SLC25A3: variants seen among roughly 807,000 people sequenced by gnomAD.
The protein encoded by SLC25A3 is solute carrier family 25 member 3.
SLC25A3 carries 14 observed loss-of-function variants against 37.1 expected under a neutral mutation model. The ratio of observed to expected loss-of-function variants is 0.38; its 90% CI spans 0.25 to 0.59. SLC25A3 has a LOEUF of 0.59. Among genes scored for constraint, SLC25A3 ranks in the 20% least tolerant of loss-of-function variants. The pLI, the probability that SLC25A3 is intolerant of heterozygous loss-of-function variation, is 0.67. For synonymous variants in SLC25A3, 161 were observed against 168.7 expected (o/e 0.95, Z 0.36); for missense variants, 385 against 458.1 (o/e 0.84, Z 1.46).
intron 2 of SLC25A3, 159 bp downstream of exon 2, chr12:98,594,294 A>G: frequency 1.4e-6 from 1 of 722,714 alleles, no homozygotes; most frequent in Non-Finnish European, 2.5e-6. Flanking sequence ...GGCCTTTTCC[A>G]CCATAGGCGG....
chr12:98,594,078 C>T lies in SLC25A3; in HGVS notation c.100C>T (p.Pro34Ser). The T allele has an allele frequency of 6.2e-7, 1 of 1,612,598 alleles. No individual in the cohort carries two copies. Among genetic ancestry groups the T allele is most frequent in the Non-Finnish European group, 8.5e-7 (1 of 1,179,684 alleles). Reference protein sequence around the residue: ...DGLGDLRSSSPGPTGQPRRPR... With the variant: ...DGLGDLRSSSSGPTGQPRRPR... ...TCTCGGGGACCTCCGCAGCAGCTCC[C>T]CAGGGCCCACGGGCCAGCCCCGCCG... The change falls in exon 2 of 8, where the codon CCA (proline) becomes TCA (serine). Residue 34 changes from proline to serine, a missense_variant. Pro to Ser is a moderately conservative substitution (Grantham distance 74). Around this residue, in one of 2 missense-constraint regions of SLC25A3, gnomAD observed 109 missense variants for 90.5 expected, o/e 1.20. Coordinates refer to ENST00000552981, the MANE Select transcript of SLC25A3 (RefSeq NM_002635.4).
Position 98,602,579 on chromosome 12 carries a change from A to G in SLC25A3, c.*1051A>G, listed in dbSNP as rs1460088376. On this transcript the variant is annotated 3_prime_UTR_variant, in exon 8 of 8. Transcript: ENST00000552981. ...AAAAAGCATTCCATCATACTTAGAT[A>G]CGAGATTGGATTGTAGGTTTAAGCC... 6.6e-6 allele frequency: 1 copy of G among 152,238 alleles called. No homozygotes were observed. The highest frequency in any genetic ancestry group is 1.5e-5 in the Non-Finnish European group (1 of 68,044). 9.4% of individuals were successfully genotyped at this position (152,238 alleles called of 1,614,324 possible).
At chr12:98,599,764 G>A (rs1411158239) in intron 5 of SLC25A3, 191 bp from the exon 6 acceptor site, 1 of 767,460 alleles carries the variant, frequency 1.3e-6, no homozygotes, top group African/African-American at 1.7e-5. Flanking sequence ...AGTCAAAGGT[G>A]CTTGAGTCAT....
In SLC25A3 at chr12:98,594,097, C is replaced by G; in HGVS notation, c.119C>G (p.Pro40Arg). The change falls in exon 2 of 8, where the codon CCC becomes CGC. Residue 40 changes from proline to arginine, a missense_variant. This residue lies in a region of SLC25A3 where 109 missense variants were observed against 90.5 expected (regional missense o/e 1.20). Coordinates refer to ENST00000552981, the MANE Select transcript of SLC25A3 (RefSeq NM_002635.4). Reference protein sequence around the residue: ...RSSSPGPTGQPRRPRNLAAAA... With the variant: ...RSSSPGPTGQRRRPRNLAAAA... The stretch of plus-strand genomic sequence containing the variant: ...AGCTCCCCAGGGCCCACGGGCCAGC[C>G]CCGCCGCCCTCGCAACCTGGCAGCC... The G allele has an allele frequency of 1.2e-6, 2 of 1,611,932 alleles. No individual in the cohort carries two copies. Among genetic ancestry groups the G allele is most frequent in the Non-Finnish European group, 1.7e-6 (2 of 1,179,344 alleles).
rs1302964992 is a variant in SLC25A3, at chr12:98,604,263, A to AAAAAAAAT, written c.*2736_*2737insAAAAAATA. On this transcript the variant is annotated 3_prime_UTR_variant, in exon 8 of 8. Transcript: ENST00000552981. ...GCGAAACTCTGTCTCAAAAAAAAAA[A>AAAAAAAAT]ATATATATATATATATATATATATG... 6.7e-5 allele frequency: 9 copies of AAAAAAAAT among 134,576 alleles called. No homozygotes were observed. The highest frequency in any genetic ancestry group is 1.7e-4 in the African/African-American group (6 of 34,888). 8.3% of individuals were successfully genotyped at this position (134,576 alleles called of 1,614,324 possible). A position where few individuals can be genotyped will look rare whatever the true frequency, so the allele number is the denominator to read the frequency against.
chr12:98,599,820 T>C (rs1211291629), intron 5 of SLC25A3, 135 bp from the exon 6 acceptor site: 2 of 929,392 alleles, frequency 2.2e-6, no homozygotes, highest in Non-Finnish European at 3.6e-6. Context: ...AACGTTCTGA[T>C]AGAAATGACA....
In SLC25A3 at chr12:98,594,106, C is replaced by T. The variant is rs2097590883; in HGVS notation, c.128C>T (p.Pro43Leu). The T allele has an allele frequency of 2.5e-6, 4 of 1,611,854 alleles. No homozygotes were observed. In the East Asian group the frequency reaches 8.9e-5, roughly 36 times the overall value. ...GGGCCCACGGGCCAGCCCCGCCGCCCTCGCAACCTGGCAGCCGCCGCCGTG... is the reference window on the plus strand; with the variant it reads ...GGGCCCACGGGCCAGCCCCGCCGCCTTCGCAACCTGGCAGCCGCCGCCGTG... ...SPGPTGQPRR[P>L]RNLAAAAVEE... The change falls in exon 2 of 8, where the codon CCT (proline) becomes CTT (leucine). Residue 43 changes from proline (P) to leucine (L), a missense_variant. By Grantham distance (98) the Pro-to-Leu change is moderately conservative (BLOSUM62 -3). Around this residue, in one of 2 missense-constraint regions of SLC25A3, gnomAD observed 109 missense variants for 90.5 expected, o/e 1.20. Transcript: ENST00000552981.
rs749921786 is a variant in SLC25A3, at chr12:98,595,403, T to TAC, written c.158-323_158-322dup. ...CCTTAGTCATCTCTGAAGAAATACT[T>TAC]ACTTGATTTTTTTTTTTCCAATCAA... On this transcript the variant is annotated intron_variant, in intron 2 of 7. Transcript: ENST00000552981. The TAC allele has an allele frequency of 1.1e-4, 181 of 1,611,252 alleles. No individual in the cohort carries two copies. The African/African-American group carries it at 2.3e-3, about 20-fold the overall frequency.
intron 3 of SLC25A3, among the ~76,000 whole-genome samples, chr12:98,596,985 C>T (rs546629518): frequency 2.0e-5 from 3 of 152,326 alleles, no homozygotes; most frequent in Non-Finnish European, 4.4e-5. Context: ...CACCATGGCA[C>T]TCCATCCTGG....
At chr12:98,596,512 C>G (rs188262243) in intron 3 of SLC25A3, among the ~76,000 whole-genome samples, 2 of 152,064 alleles carry the variant, frequency 1.3e-5, no homozygotes, top group African/African-American at 2.4e-5. Flanking sequence ...TCCTCCCCCC[C>G]CATTAGTTAA....
chr12:98,599,578 G>C (rs7955363), intron 5 of SLC25A3: 57,260 of 481,668 alleles, frequency 0.12, 4,975 homozygotes, highest in African/African-American at 0.32. Flanking sequence ...TTAACTTTTA[G>C]GGAGGGCTTG....
chr12:98,598,330 T>C, intron 4 of SLC25A3, 192 bp from the exon 5 acceptor site: 2 of 890,934 alleles, frequency 2.2e-6, no homozygotes, highest in South Asian at 3.5e-5. Context: ...CATCTAGATA[T>C]TTTTTGAATA....
intron 2 of SLC25A3, chr12:98,595,101 CT>C (rs1214118052): frequency 1.3e-5 from 4 of 309,370 alleles, no homozygotes; most frequent in Non-Finnish European, 2.5e-5. Flanking sequence ...GTCGAGTGAT[CT>C]TTCTGAGTTT....
chr12:98,603,012 A>G lies in SLC25A3; in HGVS notation c.*1484A>G, dbSNP rs1200741134. The G allele has an allele frequency of 6.6e-6, 1 of 152,238 alleles. No individual in the cohort carries two copies. The highest frequency in any genetic ancestry group is 1.5e-5 in the Non-Finnish European group (1 of 68,048). 9.4% of individuals were successfully genotyped at this position (152,238 alleles called of 1,614,324 possible). On this transcript the variant is annotated 3_prime_UTR_variant, in exon 8 of 8. Transcript: ENST00000552981. ...ACATTTTACCTGTGCTGCAGGAAAA[A>G]AGGAAAAGTTGTAGGTACAAATTTG...
chr12:98,595,360 T>C (rs2097592109), intron 2 of SLC25A3: 2 of 1,551,194 alleles, frequency 1.3e-6, no homozygotes, highest in Non-Finnish European at 1.8e-6. Flanking sequence ...AGGGAAACAT[T>C]TTCTTTCATT....
intron 3 of SLC25A3, 119 bp downstream of exon 3, chr12:98,595,967 G>T: frequency 1.1e-6 from 1 of 913,882 alleles, no homozygotes; most frequent in South Asian, 1.4e-5. Flanking sequence ...AAACCACATA[G>T]AATTTCTTTA....
Position 98,601,239 on chromosome 12 carries a change from G to T in SLC25A3, c.883G>T (p.Gly295Cys), listed in dbSNP as rs1200224700. ...SVVSVLNKEK[G>C]SSASLVLKRL... is the part of the protein sequence containing the mutation. ...GGTATCTGTGTTGAATAAAGAAAAA[G>T]GTAGCAGTGCTTCTCTGGTCCTCAA... is the stretch of plus-strand genomic sequence containing the variant. The change falls in exon 7 of 8, where the codon GGT (glycine) becomes TGT (cysteine). Residue 295 changes from glycine (G) to cysteine (C), a missense_variant. Coordinates refer to ENST00000552981, the MANE Select transcript of SLC25A3 (RefSeq NM_002635.4). 1 of 1,614,038 alleles carries T rather than the reference G, an allele frequency of 6.2e-7. No individual in the cohort carries two copies. The highest frequency in any genetic ancestry group is 8.5e-7 in the Non-Finnish European group (1 of 1,179,958).
rs190940464 is a variant in SLC25A3 at position 98,594,563 on chromosome 12, G to C, written c.157+428G>C. 6.8e-6 allele frequency: 4 copies of C among 585,684 alleles called. No individual in the cohort carries two copies. The East Asian group carries it at 1.1e-4, about 17-fold the overall frequency. 36.3% of individuals were successfully genotyped at this position (585,684 alleles called of 1,614,324 possible). On this transcript the variant is annotated intron_variant, in intron 2 of 7. Coordinates refer to ENST00000552981, the MANE Select transcript of SLC25A3 (RefSeq NM_002635.4). The stretch of plus-strand genomic sequence containing the variant: ...TAGTCCTTTCCTAAGTTTTATATTT[G>C]TCGACGCCAGGTCAGTCATTTTTGC...
chr12:98,595,139 C>G, intron 2 of SLC25A3: 1 of 404,514 alleles, frequency 2.5e-6, no homozygotes, highest in Non-Finnish European at 4.6e-6. Context: ...TGTGCTCTTA[C>G]CAGTGGTTAA....
Sources: gnomAD v4.1 joint callset for allele counts (sites outside exome capture counted in the v4.1 genomes callset) on GRCh38, gnomAD v4.1.1 for gene constraint, gnomAD v4.1.1 regional missense constraint, MANE v1.5 for transcripts, NCBI Gene and HGNC (gene_info 2026-07-23, HGNC 2026-07-21) for gene names.